Variants in KIDINS220 observed in about 807,000 individuals in gnomAD.
KIDINS220 encodes kinase D interacting substrate 220.
In KIDINS220, 63 loss-of-function variants were observed where a neutral mutation model predicts 157.6. That is an observed-to-expected ratio of 0.40 (90% CI 0.33 to 0.49). KIDINS220 has a LOEUF of 0.49. Among genes scored for constraint, KIDINS220 ranks in the 20% least tolerant of loss-of-function variants. The pLI, the probability that KIDINS220 is intolerant of heterozygous loss-of-function variation, is 0.66. For synonymous variants in KIDINS220, 732 were observed against 783.6 expected (o/e 0.93, Z 1.10); for missense variants, 1,772 against 2,171.2 (o/e 0.82, Z 3.65).
chr2:8,794,895 G>A (rs1401992636), intron 11 of KIDINS220, among the ~76,000 whole-genome samples: 1 of 152,108 alleles, frequency 6.6e-6, no homozygotes, highest in Non-Finnish European at 1.5e-5. Flanking sequence ...CTCCTCTCAT[G>A]TCCTAAAAAA....
intron 27 of KIDINS220, among the ~76,000 whole-genome samples, chr2:8,736,544 T>C (rs1664884812): frequency 6.6e-6 from 1 of 152,346 alleles, no homozygotes; most frequent in Non-Finnish European, 1.5e-5. Flanking sequence ...GGTTCCACAC[T>C]GGAAAGATGA....
At chr2:8,755,473 G>A (rs937868885) in intron 22 of KIDINS220, among the ~76,000 whole-genome samples, 23 of 152,096 alleles carry the variant, frequency 1.5e-4, no homozygotes, top group Non-Finnish European at 2.5e-4. Flanking sequence ...GAATACTGTC[G>A]CAACACTGTT....
intron 15 of KIDINS220, 118 bp downstream of exon 15, chr2:8,788,529 A>G (rs1195315482): frequency 4.6e-5 from 45 of 976,878 alleles, no homozygotes; most frequent in Non-Finnish European, 4.5e-6. Context: ...TTGGCCTCCC[A>G]AAGTGCTGGG....
At chr2:8,764,865 T>A (rs1669254404) in intron 22 of KIDINS220, among the ~76,000 whole-genome samples, 1 of 152,282 alleles carries the variant, frequency 6.6e-6, no homozygotes, top group Non-Finnish European at 1.5e-5. Flanking sequence ...TTCAGCAATG[T>A]TTAAGAAAGT....
At chr2:8,745,017 G>A (rs544459251) in intron 26 of KIDINS220, among the ~76,000 whole-genome samples, 1 of 152,202 alleles carries the variant, frequency 6.6e-6, no homozygotes, top group African/African-American at 2.4e-5. Context: ...AGAATCACAC[G>A]ATTTCCCCTT....
At chr2:8,813,802 T>C (rs952498842) in intron 4 of KIDINS220, among the ~76,000 whole-genome samples, 21 of 152,064 alleles carry the variant, frequency 1.4e-4, no homozygotes, top group African/African-American at 4.8e-4. Flanking sequence ...CGTGTGCCTG[T>C]AGTCCCAACT....
At chr2:8,754,440 T>G (rs556622226) in intron 22 of KIDINS220, among the ~76,000 whole-genome samples, 1 of 152,382 alleles carries the variant, frequency 6.6e-6, no homozygotes, top group East Asian at 1.9e-4. Context: ...AGAATTTAAG[T>G]AACTTCACTT....
At chr2:8,831,598 G>A (rs142574581) in intron 1 of KIDINS220, among the ~76,000 whole-genome samples, 1 of 152,268 alleles carries the variant, frequency 6.6e-6, no homozygotes, top group African/African-American at 2.4e-5. Context: ...TATACATCTA[G>A]TTGTAGACTG....
chr2:8,834,718 C>T (rs1680148696), intron 1 of KIDINS220, among the ~76,000 whole-genome samples: 1 of 152,202 alleles, frequency 6.6e-6, no homozygotes, highest in African/African-American at 2.4e-5. Flanking sequence ...CTGATCCAAC[C>T]ACCTGTAATG....
chr2:8,770,123 G>T lies in KIDINS220; in HGVS notation c.3011+547C>A, dbSNP rs1245155173. ...AAGTGTATATAAACTATACACTAAG[G>T]CTGGGCACAGTGTTTCACGCCTGTA... is the stretch of plus-strand genomic sequence containing the variant. On this transcript the variant is annotated intron_variant, in intron 22 of 29. Transcript: ENST00000256707. Among the ~76,000 whole-genome samples, 6 of 152,080 alleles carry T rather than the reference G, an allele frequency of 3.9e-5. No homozygotes were observed. In the East Asian group the frequency reaches 1.2e-3, roughly 29 times the overall value.
At chr2:8,758,081 T>G (rs147986299) in intron 22 of KIDINS220, among the ~76,000 whole-genome samples, 17 of 152,326 alleles carry the variant, frequency 1.1e-4, no homozygotes, top group African/African-American at 3.8e-4. Context: ...CAGGCTGGTC[T>G]CGAACTCCTG....
intron 22 of KIDINS220, among the ~76,000 whole-genome samples, chr2:8,752,322 AT>A (rs372075394): frequency 1.0e-4 from 15 of 149,996 alleles, no homozygotes; most frequent in East Asian, 2.0e-4. Flanking sequence ...CAGTCTAAAA[AT>A]TTTTTTTTTT....
chr2:8,831,885 A>G (rs1165859696), intron 1 of KIDINS220, among the ~76,000 whole-genome samples: 1 of 152,252 alleles, frequency 6.6e-6, no homozygotes, highest in Non-Finnish European at 1.5e-5. Context: ...CTACTCTGGA[A>G]TCATATCTGA....
intron 21 of KIDINS220, among the ~76,000 whole-genome samples, chr2:8,772,304 C>T (rs1196267722): frequency 6.6e-6 from 1 of 151,888 alleles, no homozygotes; most frequent in Non-Finnish European, 1.5e-5. Context: ...GGTGAAACCC[C>T]GCCTCTACTG....
intron 25 of KIDINS220, 41 bp from the exon 26 acceptor site, chr2:8,747,242 G>C (rs761404011): frequency 3.4e-5 from 53 of 1,549,656 alleles, no homozygotes; most frequent in East Asian, 9.0e-5. Context: ...AAAAGGGGAA[G>C]GGGGGAGCCA....
At position 8,729,413 on chromosome 2, in the gene KIDINS220, T is replaced by C; in HGVS notation, c.*1307A>G. ...CTACCGTCCTAACTGTGACTTGGGG[T>C]AAACCACCAGAATTCATTCTACATA... is the stretch of plus-strand genomic sequence containing the variant. On this transcript the variant is annotated 3_prime_UTR_variant, in exon 30 of 30. Coordinates refer to ENST00000256707, the MANE Select transcript of KIDINS220 (RefSeq NM_020738.4). 4 of 985,408 alleles carry C rather than the reference T, an allele frequency of 4.1e-6. No homozygotes were observed. The highest frequency in any genetic ancestry group is 3.5e-5 in the African/African-American group (2 of 57,364). The allele number at this position is 985,408 out of a possible 1,614,324, so 61.0% of individuals were successfully genotyped here. A position where few individuals can be genotyped will look rare whatever the true frequency, so the allele number is the denominator to read the frequency against.
intron 9 of KIDINS220, among the ~76,000 whole-genome samples, chr2:8,799,073 A>C (rs1381284514): frequency 6.6e-6 from 1 of 151,668 alleles, no homozygotes; most frequent in Non-Finnish European, 1.5e-5. Flanking sequence ...CCCAACTCAA[A>C]CTTCCCAGGC....
At chr2:8,747,794 ACT>A in intron 25 of KIDINS220, 91 bp downstream of exon 25, 1 of 603,232 alleles carries the variant, frequency 1.7e-6, no homozygotes. Flanking sequence ...AATCAGTTGC[ACT>A]CTTTTACTAT....
At position 8,786,456 on chromosome 2, in the gene KIDINS220, T is replaced by C. The variant is rs1225899413; in HGVS notation, c.1788-99A>G. 6 of 985,680 alleles carry C rather than the reference T, an allele frequency of 6.1e-6. No homozygotes were observed. In the East Asian group the frequency reaches 9.8e-5, roughly 16 times the overall value. 61.1% of individuals were successfully genotyped at this position (985,680 alleles called of 1,614,324 possible). A position where few individuals can be genotyped will look rare whatever the true frequency, so the allele number is the denominator to read the frequency against. On this transcript the variant is annotated intron_variant, in intron 15 of 29. Coordinates refer to ENST00000256707, the MANE Select transcript of KIDINS220 (RefSeq NM_020738.4). ...GCATCACTTACCCTTTATTTTCTTTTTGTCTCTTTCAAAATATTGTTTTTT... is the reference window on the plus strand; with the variant it reads ...GCATCACTTACCCTTTATTTTCTTTCTGTCTCTTTCAAAATATTGTTTTTT...
Sources: gnomAD v4.1 joint callset for allele counts (sites outside exome capture counted in the v4.1 genomes callset) on GRCh38, gnomAD v4.1.1 for gene constraint, MANE v1.5 for transcripts, NCBI Gene and HGNC (gene_info 2026-07-23, HGNC 2026-07-21) for gene names.